HMBOX1: variants seen among roughly 807,000 people sequenced by gnomAD.
The protein encoded by HMBOX1 is homeobox containing 1.
Under a neutral mutation model 54.5 loss-of-function variants are expected in HMBOX1, and 14 were observed. The observed-to-expected ratio is 0.26, with a 90% confidence interval of 0.17 to 0.40. The LOEUF (loss-of-function observed/expected upper bound fraction) is 0.40, where lower values mean the gene tolerates loss of function less well. Ranked by LOEUF, HMBOX1 falls within the 10% of genes least tolerant of loss-of-function variation. The pLI is 1.00. For synonymous variants in HMBOX1, 160 were observed against 181.0 expected, an observed-to-expected ratio of 0.88 and a Z score of 0.93; for missense variants, 332 against 514.4, an observed-to-expected ratio of 0.65 and a Z score of 3.43.
rs1006289371 is a variant in HMBOX1, at chr8:29,052,521, T to G, written c.*1366T>G. 2.6e-5 allele frequency: 4 copies of G among 152,228 alleles called. No individual in the cohort carries two copies. The East Asian group carries it at 7.7e-4, about 29-fold the overall frequency. 9.4% of individuals were successfully genotyped at this position (152,228 alleles called of 1,614,324 possible). On this transcript the variant is annotated 3_prime_UTR_variant, in exon 10 of 10. Coordinates refer to ENST00000287701, the MANE Select transcript of HMBOX1 (RefSeq NM_001135726.3). Reference sequence around the variant, plus strand: ...CACTTTTGTTACTTTTTAAAGATATTTATATTTGATAAATCTTTTTTTCAT... The same window carrying G: ...CACTTTTGTTACTTTTTAAAGATATGTATATTTGATAAATCTTTTTTTCAT...
At chr8:28,931,234 G>A (rs1819419721) in intron 1 of HMBOX1, among the ~76,000 whole-genome samples, 1 of 152,144 alleles carries the variant, frequency 6.6e-6, no homozygotes, top group South Asian at 2.1e-4. Context: ...AATAACAAGT[G>A]TAGAAAGTTA....
chr8:28,919,238 C>T (rs1817124267), intron 1 of HMBOX1, among the ~76,000 whole-genome samples: 1 of 152,166 alleles, frequency 6.6e-6, no homozygotes, highest in Non-Finnish European at 1.5e-5. Flanking sequence ...CCTTAGATGG[C>T]CCTTCTGTAT....
At chr8:28,998,526 C>G (rs1312668212) in intron 4 of HMBOX1, among the ~76,000 whole-genome samples, 1 of 151,984 alleles carries the variant, frequency 6.6e-6, no homozygotes, top group African/African-American at 2.4e-5. Flanking sequence ...TACTTTCAAC[C>G]TAATTATGTC....
At chr8:28,991,898 A>G (rs1276037078) in intron 4 of HMBOX1, among the ~76,000 whole-genome samples, 1 of 152,170 alleles carries the variant, frequency 6.6e-6, no homozygotes, top group Non-Finnish European at 1.5e-5. Flanking sequence ...ATTTTTAGCT[A>G]TAACTTATTT....
chr8:29,018,313 T>C (rs1300782517), intron 5 of HMBOX1, among the ~76,000 whole-genome samples: 1 of 152,110 alleles, frequency 6.6e-6, no homozygotes, highest in Non-Finnish European at 1.5e-5. Flanking sequence ...ATTATAGATA[T>C]TTTTCATTGA....
intron 6 of HMBOX1, among the ~76,000 whole-genome samples, chr8:29,023,731 G>A (rs959383920): frequency 1.3e-5 from 2 of 152,096 alleles, no homozygotes; most frequent in African/African-American, 4.8e-5. Context: ...ATTGATCAGT[G>A]AATTCAGTGT....
At chr8:28,955,214 CT>C (rs946704839) in intron 1 of HMBOX1, among the ~76,000 whole-genome samples, 2 of 151,824 alleles carry the variant, frequency 1.3e-5, no homozygotes. Flanking sequence ...AGTATAGTCT[CT>C]TTTTTTTCTT....
At chr8:28,930,047 A>C (rs1242916799) in intron 1 of HMBOX1, among the ~76,000 whole-genome samples, 2 of 151,374 alleles carry the variant, frequency 1.3e-5, no homozygotes, top group East Asian at 3.9e-4. Context: ...ATGTCAGGGA[A>C]ACATATTTCT....
chr8:28,939,092 C>G (rs1197741701), intron 1 of HMBOX1, among the ~76,000 whole-genome samples: 1 of 152,094 alleles, frequency 6.6e-6, no homozygotes, highest in Non-Finnish European at 1.5e-5. Flanking sequence ...GAGTTCCACA[C>G]TAGCCTGACC....
chr8:29,050,221 C>T (rs2133404560), intron 9 of HMBOX1: 4 of 984,804 alleles, frequency 4.1e-6, no homozygotes, highest in Non-Finnish European at 4.8e-6. Context: ...CTTTCCAAAG[C>T]TCTTTGATAC....
Position 28,940,058 on chromosome 8 carries a change from G to C in HMBOX1, c.-57-23753G>C, listed in dbSNP as rs533012651. 1.4e-4 allele frequency among the ~76,000 whole-genome samples: 22 copies of C among 152,120 alleles called. No homozygotes were observed. The East Asian group carries it at 3.7e-3, about 25-fold the overall frequency. On this transcript the variant is annotated intron_variant, in intron 1 of 9. Transcript: ENST00000287701. ...TTTGTATTTTTTTTGTTTGGAAACAGAGTGCAATGGTGCTATCTCGGCTCA... is the reference window on the plus strand; with the variant it reads ...TTTGTATTTTTTTTGTTTGGAAACACAGTGCAATGGTGCTATCTCGGCTCA...
chr8:28,985,510 T>A (rs1472353727), intron 4 of HMBOX1, among the ~76,000 whole-genome samples: 2 of 152,220 alleles, frequency 1.3e-5, no homozygotes, highest in Non-Finnish European at 2.9e-5. Flanking sequence ...TATTCTGTTT[T>A]TAAGTTGTAA....
Position 29,053,071 on chromosome 8 carries a change from G to A in HMBOX1, c.*1916G>A, listed in dbSNP as rs1047001292. ...TTGTAGTTGGTTTCCTTCCACTTAA[G>A]GCACACGCTGACTGCATCATTTCCT... On this transcript the variant is annotated 3_prime_UTR_variant, in exon 10 of 10. Transcript: ENST00000287701. 2.6e-5 allele frequency: 4 copies of A among 152,566 alleles called. No individual in the cohort carries two copies. The highest frequency in any genetic ancestry group is 9.7e-5 in the African/African-American group (4 of 41,402). The allele number at this position is 152,566 out of a possible 1,614,324, so 9.5% of individuals were successfully genotyped here.
intron 3 of HMBOX1, among the ~76,000 whole-genome samples, chr8:28,976,097 A>G (rs1390092440): frequency 2.0e-5 from 3 of 152,184 alleles, no homozygotes; most frequent in Non-Finnish European, 4.4e-5. Flanking sequence ...AGTGAAACCA[A>G]CTAAATGACA....
intron 5 of HMBOX1, chr8:29,009,527 T>A: frequency 1.6e-6 from 1 of 620,310 alleles, no homozygotes; most frequent in Non-Finnish European, 2.0e-6. Flanking sequence ...GTATCTCTTT[T>A]TTTTTTTTTT....
rs200248533 is a variant in HMBOX1, at chr8:28,965,547, G to A, written c.23+1657G>A. 3.3e-5 allele frequency among the ~76,000 whole-genome samples: 5 copies of A among 152,222 alleles called. No individual in the cohort carries two copies. The East Asian group carries it at 9.6e-4, about 29-fold the overall frequency. On this transcript the variant is annotated intron_variant, in intron 2 of 9. Coordinates refer to ENST00000287701, the MANE Select transcript of HMBOX1 (RefSeq NM_001135726.3). Reference sequence around the variant, plus strand: ...GATGAAAGGAGGCCTCTGTGTTCAAGTGAAGGCTAAAGGTGGAGGTGTACC... The same window carrying A: ...GATGAAAGGAGGCCTCTGTGTTCAAATGAAGGCTAAAGGTGGAGGTGTACC...
chr8:28,933,637 C>T (rs990868696), intron 1 of HMBOX1, among the ~76,000 whole-genome samples: 29 of 152,088 alleles, frequency 1.9e-4, no homozygotes, highest in Admixed American at 4.6e-4. Flanking sequence ...AATCTACAAA[C>T]GTTGGAAGAA....
rs921597403 is a variant in HMBOX1, at chr8:28,927,430, A to G, written c.-57-36381A>G. 5.9e-5 allele frequency among the ~76,000 whole-genome samples: 9 copies of G among 152,282 alleles called. No individual in the cohort carries two copies. The East Asian group carries it at 1.7e-3, about 29-fold the overall frequency. ...CTGCAGGCTATACAAGAAGCGTGAC[A>G]CCAGCGTCTGCATCTGGTGAGGGTA... On this transcript the variant is annotated intron_variant, in intron 1 of 9. Transcript: ENST00000287701.
In HMBOX1 at chr8:29,009,060, C is replaced by T. The variant is rs1325180039; in HGVS notation, c.587-12C>T. ...TCAGTGCCCCCCAAAACCTATTTCT[C>T]TTTCTACATAGGTATCAGTCAGAGC... is the stretch of plus-strand genomic sequence containing the variant. On this transcript the variant is annotated splice_polypyrimidine_tract_variant and intron_variant, in intron 4 of 9. Transcript: ENST00000287701. 2 of 1,595,168 alleles carry T rather than the reference C, an allele frequency of 1.3e-6. No individual in the cohort carries two copies. Among genetic ancestry groups the T allele is most frequent in the South Asian group, 1.1e-5 (1 of 89,994 alleles).
Sources: allele counts gnomAD v4.1 joint callset (sites outside exome capture counted in the v4.1 genomes callset), GRCh38; gene constraint gnomAD v4.1.1; transcripts MANE v1.5; gene names NCBI Gene and HGNC (gene_info 2026-07-23, HGNC 2026-07-21).